Variants in DENND5A observed in about 807,000 individuals in gnomAD.
DENND5A encodes DENN domain containing 5A, also known as DENN domain-containing protein 5A.
A neutral mutation model predicts 140.3 loss-of-function variants in DENND5A; 64 were observed. That is an observed-to-expected ratio of 0.46 (90% CI 0.37 to 0.56). The LOEUF (loss-of-function observed/expected upper bound fraction) is 0.56. Among genes scored for constraint, DENND5A ranks in the 20% least tolerant of loss-of-function variants. The probability of loss-of-function intolerance (pLI) is 0.00; values close to 1 mark genes in which losing one functional copy is unlikely to be tolerated. For missense variants in DENND5A, 1,292 were observed against 1,593.8 expected, an observed-to-expected ratio of 0.81 and a Z score of 3.22; for synonymous variants, 605 against 607.7, an observed-to-expected ratio of 1.00 and a Z score of 0.07.
At chr11:9,147,678 G>A (rs758530741) in intron 15 of DENND5A, among the ~76,000 whole-genome samples, 11 of 152,190 alleles carry the variant, frequency 7.2e-5, no homozygotes, top group African/African-American at 1.7e-4. Flanking sequence ...TTCTGCTCCC[G>A]CCTCTGATCC....
At chr11:9,159,247 C>T (rs559467987) in intron 12 of DENND5A, among the ~76,000 whole-genome samples, 2 of 151,936 alleles carry the variant, frequency 1.3e-5, no homozygotes, top group East Asian at 3.9e-4. Context: ...CACTCATCAG[C>T]TGATAAATAT....
chr11:9,230,121 G>A (rs1181046962), intron 1 of DENND5A, among the ~76,000 whole-genome samples: 4 of 150,998 alleles, frequency 2.6e-5, no homozygotes, highest in Admixed American at 6.6e-5. Flanking sequence ...GTGTTAGCCA[G>A]GATGGTCTCG....
chr11:9,252,931 T>C (rs1268646885), intron 1 of DENND5A, among the ~76,000 whole-genome samples: 1 of 150,998 alleles, frequency 6.6e-6, no homozygotes, highest in African/African-American at 2.4e-5. Context: ...CTCACCACAG[T>C]CTGGACCTCC....
chr11:9,253,519 T>TATAGC (rs1275777140), intron 1 of DENND5A, among the ~76,000 whole-genome samples: 67 of 152,084 alleles, frequency 4.4e-4, no homozygotes, highest in African/African-American at 7.2e-5. Context: ...TCCCAGCACT[T>TATAGC]TGGGAGGCTG....
chr11:9,204,254 C>G lies in DENND5A; in HGVS notation c.355G>C (p.Ala119Pro). ...QADPREPQFHAFIITREDGSR... is the reference protein window; with the variant it reads ...QADPREPQFHPFIITREDGSR... Reference sequence around the variant, plus strand: ...CCATCCTCCCTTGTGATAATAAAGGCATGGAATTGGGGCTCCCTGGGATCA... The same window carrying G: ...CCATCCTCCCTTGTGATAATAAAGGGATGGAATTGGGGCTCCCTGGGATCA... The change falls in exon 4 of 23, where the codon GCC (alanine) becomes CCC (proline). Residue 119 changes from alanine to proline, a missense_variant. Physicochemically the swap from Ala to Pro is conservative, Grantham distance 27. Coordinates refer to ENST00000328194, the MANE Select transcript of DENND5A (RefSeq NM_015213.4). 6.2e-7 allele frequency: 1 copy of G among 1,614,032 alleles called. No individual in the cohort carries two copies.
chr11:9,210,755 AT>A (rs556403841), intron 1 of DENND5A, among the ~76,000 whole-genome samples: 154 of 152,264 alleles, frequency 1.0e-3, no homozygotes, highest in African/African-American at 3.5e-3. Context: ...TTGCTCTCAA[AT>A]TCCTGGGCTT....
In DENND5A at chr11:9,139,440, C is replaced by G. The variant is rs1247969134; in HGVS notation, c.*231G>C. ...GCACCAGCTTCAAAATAAGCGGCAC[C>G]AGCCTCGCTCCCTCTCCCTATCACT... On this transcript the variant is annotated 3_prime_UTR_variant, in exon 23 of 23. Coordinates refer to ENST00000328194, the MANE Select transcript of DENND5A (RefSeq NM_015213.4). The G allele has an allele frequency of 2.0e-6, 1 of 507,256 alleles. No individual in the cohort carries two copies. Among genetic ancestry groups the G allele is most frequent in the Non-Finnish European group, 3.5e-6 (1 of 284,796 alleles). 31.4% of individuals were successfully genotyped at this position (507,256 alleles called of 1,614,324 possible).
At chr11:9,150,633 C>T (rs1847584044) in intron 14 of DENND5A, 47 bp downstream of exon 14, 1 of 1,435,050 alleles carries the variant, frequency 7.0e-7, no homozygotes, top group Non-Finnish European at 9.7e-7. Context: ...TAAGCAGCAA[C>T]TGAAAACAGG....
chr11:9,177,717 C>A (rs1408365287), intron 8 of DENND5A, among the ~76,000 whole-genome samples: 6 of 72,806 alleles, frequency 8.2e-5, no homozygotes, highest in Non-Finnish European at 8.3e-5. Flanking sequence ...TCATTGACAT[C>A]ATTTAAAAAA....
intron 5 of DENND5A, among the ~76,000 whole-genome samples, chr11:9,186,426 G>A: frequency 6.6e-6 from 1 of 152,152 alleles, no homozygotes. Context: ...AAGCCACTGT[G>A]ACCCACGAAA....
chr11:9,162,431 G>T (rs890862443), intron 11 of DENND5A, among the ~76,000 whole-genome samples: 1 of 151,488 alleles, frequency 6.6e-6, no homozygotes, highest in Non-Finnish European at 1.5e-5. Flanking sequence ...TAGAGATGGG[G>T]TTTCTCCATG....
chr11:9,258,903 A>G (rs1214789435), intron 1 of DENND5A, among the ~76,000 whole-genome samples: 1 of 152,224 alleles, frequency 6.6e-6, no homozygotes, highest in Non-Finnish European at 1.5e-5. Flanking sequence ...TGATTTGACT[A>G]GTCCTCTAGC....
chr11:9,169,238 G>C (rs1477008897), intron 10 of DENND5A, among the ~76,000 whole-genome samples: 1 of 152,122 alleles, frequency 6.6e-6, no homozygotes, highest in Non-Finnish European at 1.5e-5. Flanking sequence ...CCTGAGGTCA[G>C]GTGTTTGAGA....
chr11:9,211,381 G>T (rs1311931635), intron 1 of DENND5A, among the ~76,000 whole-genome samples: 1 of 152,020 alleles, frequency 6.6e-6, no homozygotes, highest in African/African-American at 2.4e-5. Flanking sequence ...TGAAATTTAA[G>T]TTGCCACCCA....
In DENND5A at chr11:9,265,076, G is replaced by A. The variant is rs527529330; in HGVS notation, c.-7C>T. 625 of 1,518,738 alleles carry A rather than the reference G, an allele frequency of 4.1e-4. 11 individuals carry two copies. In the South Asian group the frequency reaches 7.1e-3, roughly 17 times the overall value. The allele number at this position is 1,518,738 out of a possible 1,614,324, so 94.1% of individuals were successfully genotyped here. The stretch of plus-strand genomic sequence containing the variant: ...CGCCGCCGCCGCCACTCATGGCGCC[G>A]GGGCCGAGACCGGCCGGGCAGTGCG... On this transcript the variant is annotated 5_prime_UTR_variant, in exon 1 of 23. Transcript: ENST00000328194. This position sits in a 1 kb window ranked among gnomAD's most constrained non-coding sequence, Gnocchi z 4.7.
chr11:9,255,912 G>C (rs1434739063), intron 1 of DENND5A, among the ~76,000 whole-genome samples: 15 of 151,024 alleles, frequency 9.9e-5, no homozygotes. Context: ...TGTAATCCCA[G>C]CTACTCAAGA....
At chr11:9,182,003 T>C (rs1486390026) in intron 5 of DENND5A, among the ~76,000 whole-genome samples, 1 of 152,140 alleles carries the variant, frequency 6.6e-6, no homozygotes, top group Non-Finnish European at 1.5e-5. Context: ...ACACTGCTGA[T>C]GGGGTAGATA....
At chr11:9,262,654 T>C (rs889035306) in intron 1 of DENND5A, among the ~76,000 whole-genome samples, 3 of 151,956 alleles carry the variant, frequency 2.0e-5, no homozygotes, top group African/African-American at 4.8e-5. Context: ...TTACTACATA[T>C]GAAAAAGATG....
At chr11:9,211,572 T>G (rs1297013388) in intron 1 of DENND5A, among the ~76,000 whole-genome samples, 4 of 152,106 alleles carry the variant, frequency 2.6e-5, no homozygotes, top group South Asian at 4.1e-4. Context: ...AAACCAACCC[T>G]GAGTTTACTC....
Sources: gnomAD v4.1 joint callset for allele counts (sites outside exome capture counted in the v4.1 genomes callset) on GRCh38, gnomAD v4.1.1 for gene constraint, Gnocchi (gnomAD v3.1) non-coding constraint, MANE v1.5 for transcripts, NCBI Gene and HGNC (gene_info 2026-07-23, HGNC 2026-07-21) for gene names.